JAKMIP1: variants seen among roughly 807,000 people sequenced by gnomAD.
The protein encoded by JAKMIP1 is janus kinase and microtubule interacting protein 1.
JAKMIP1 carries 33 observed loss-of-function variants against 113.0 expected under a neutral mutation model. The ratio of observed to expected loss-of-function variants is 0.29; its 90% CI spans 0.22 to 0.39. The LOEUF is 0.39. Ranked by LOEUF, JAKMIP1 falls within the 10% of genes least tolerant of loss-of-function variation. The probability of loss-of-function intolerance (pLI) is 1.00; values close to 1 mark genes in which losing one functional copy is unlikely to be tolerated. For missense variants in JAKMIP1, 813 were observed against 1,080.5 expected (o/e 0.75, Z 3.47); for synonymous variants, 480 against 459.9 (o/e 1.04, Z -0.56).
Position 6,086,366 on chromosome 4 carries a change from C to G in JAKMIP1, c.625-737G>C, listed in dbSNP as rs532759385. Among the ~76,000 whole-genome samples the G allele has an allele frequency of 6.6e-6, 1 of 151,924 alleles. No homozygotes were observed. The highest frequency in any genetic ancestry group is 2.4e-5 in the African/African-American group (1 of 41,356). On this transcript the variant is annotated intron_variant, in intron 3 of 20. Coordinates refer to ENST00000409021, the MANE Select transcript of JAKMIP1 (RefSeq NM_001099433.2). This position sits in a 1 kb window ranked among gnomAD's most constrained non-coding sequence, Gnocchi z 4.1. ...AGCAGATCTTAAACACATGCCTCAG[C>G]CCTGGCTTCTCTCTGAGCTCCACAA...
chr4:6,149,990 G>A (rs55698513), intron 1 of JAKMIP1, among the ~76,000 whole-genome samples: 35,052 of 151,946 alleles, frequency 0.23, 4,680 homozygotes, highest in Non-Finnish European at 0.3. Context: ...AACGTCACCC[G>A]CCAATTCCAA....
In JAKMIP1 at chr4:6,162,265, C is replaced by T. The variant is rs1723063775; in HGVS notation, c.-148+37988G>A. Among the ~76,000 whole-genome samples the T allele has an allele frequency of 1.3e-5, 2 of 152,172 alleles. No individual in the cohort carries two copies. The highest frequency in any genetic ancestry group is 4.1e-4 in the South Asian group (2 of 4,830). ...GACCTCTCAGCTGCTGGAAGGCCTA[C>T]CTAGGTGGTGACAGGGCCAGCAGAG... On this transcript the variant is annotated intron_variant, in intron 1 of 20. Coordinates refer to ENST00000409021, the MANE Select transcript of JAKMIP1 (RefSeq NM_001099433.2). The surrounding 1 kb of genome is among the most constrained non-coding windows in gnomAD (Gnocchi z 5.6).
intron 1 of JAKMIP1, among the ~76,000 whole-genome samples, chr4:6,134,868 T>A (rs1163065023): frequency 6.6e-6 from 1 of 151,942 alleles, no homozygotes; most frequent in Non-Finnish European, 1.5e-5. Flanking sequence ...CATGGGAGGG[T>A]GGCGCATGCA....
intron 1 of JAKMIP1, among the ~76,000 whole-genome samples, chr4:6,128,635 G>A (rs1718079834): frequency 6.6e-6 from 1 of 152,164 alleles, no homozygotes; most frequent in African/African-American, 2.4e-5. Context: ...GGAGCCACGT[G>A]CCTCCTCCGT....
At chr4:6,190,947 A>G (rs116596894) in intron 1 of JAKMIP1, among the ~76,000 whole-genome samples, 1,794 of 152,310 alleles carry the variant, frequency 0.012, 24 homozygotes, top group African/African-American at 0.041. Flanking sequence ...GGCCTGCACC[A>G]CATCCTGAGA....
chr4:6,179,514 C>T lies in JAKMIP1; in HGVS notation c.-148+20739G>A, dbSNP rs1449260307. On this transcript the variant is annotated intron_variant, in intron 1 of 20. Transcript: ENST00000409021. The surrounding 1 kb of genome is among the most constrained non-coding windows in gnomAD (Gnocchi z 4.5). ...CAGGCACCGTCAAGGGACAACCCTACAAAGCCACAAACCCACAGGAAACCA... is the reference window on the plus strand; with the variant it reads ...CAGGCACCGTCAAGGGACAACCCTATAAAGCCACAAACCCACAGGAAACCA... 6.6e-6 allele frequency among the ~76,000 whole-genome samples: 1 copy of T among 152,220 alleles called. No individual in the cohort carries two copies. Among genetic ancestry groups the T allele is most frequent in the African/African-American group, 2.4e-5 (1 of 41,448 alleles).
chr4:6,174,422 T>G (rs1262031623), intron 1 of JAKMIP1, among the ~76,000 whole-genome samples: 1 of 152,226 alleles, frequency 6.6e-6, no homozygotes, highest in East Asian at 1.9e-4. Flanking sequence ...GAAAGGACCG[T>G]GAATCCTTGG....
rs1415046631 is a variant in JAKMIP1, at chr4:6,140,811, TAAAG to T, written c.-147-27818_-147-27815del. Among the ~76,000 whole-genome samples, 1 of 152,134 alleles carries T rather than the reference TAAAG, an allele frequency of 6.6e-6. No homozygotes were observed. Among genetic ancestry groups the T allele is most frequent in the Non-Finnish European group, 1.5e-5 (1 of 68,034 alleles). On this transcript the variant is annotated intron_variant, in intron 1 of 20. Coordinates refer to ENST00000409021, the MANE Select transcript of JAKMIP1 (RefSeq NM_001099433.2). The surrounding 1 kb of genome is among the most constrained non-coding windows in gnomAD (Gnocchi z 9.4). ...GATGCAATTAAGTAGGCAATTGTAA[TAAAG>T]AAAATTACTGACCTCAGGTCAGCCA...
rs1727678635 is a variant in JAKMIP1, at chr4:6,194,865, T to G, written c.-148+5388A>C. Among the ~76,000 whole-genome samples the G allele has an allele frequency of 6.6e-6, 1 of 152,024 alleles. No homozygotes were observed. Among genetic ancestry groups the G allele is most frequent in the Non-Finnish European group, 1.5e-5 (1 of 68,000 alleles). ...GAGTTTTAGGATGTGCAGTGGGTCC[T>G]GAGGATGCTTGCAAGCCCTGGAAAG... On this transcript the variant is annotated intron_variant, in intron 1 of 20. Coordinates refer to ENST00000409021, the MANE Select transcript of JAKMIP1 (RefSeq NM_001099433.2). This position sits in a 1 kb window ranked among gnomAD's most constrained non-coding sequence, Gnocchi z 7.4.
In JAKMIP1 at chr4:6,141,610, G is replaced by A. The variant is rs1310860245; in HGVS notation, c.-147-28613C>T. Among the ~76,000 whole-genome samples, 3 of 152,198 alleles carry A rather than the reference G, an allele frequency of 2.0e-5. No individual in the cohort carries two copies. Among genetic ancestry groups the A allele is most frequent in the African/African-American group, 7.2e-5 (3 of 41,454 alleles). On this transcript the variant is annotated intron_variant, in intron 1 of 20. Coordinates refer to ENST00000409021, the MANE Select transcript of JAKMIP1 (RefSeq NM_001099433.2). This position sits in a 1 kb window ranked among gnomAD's most constrained non-coding sequence, Gnocchi z 9.4. ...ACCTATGCCCCAGGGCCTGGCCTGT[G>A]AATGCCCTTTCTCCTCCACTCCCAA...
chr4:6,067,647 A>ACG lies in JAKMIP1; in HGVS notation c.1303-2640_1303-2639insCG, dbSNP rs1718317999. On this transcript the variant is annotated intron_variant, in intron 8 of 20. Coordinates refer to ENST00000409021, the MANE Select transcript of JAKMIP1 (RefSeq NM_001099433.2). This position sits in a 1 kb window ranked among gnomAD's most constrained non-coding sequence, Gnocchi z 4.6. Reference sequence around the variant, plus strand: ...CAGGTTCACTCAAGCTCTTCTGCACACACACACACAGGTCACCCCCTGAGC... The same window carrying ACG: ...CAGGTTCACTCAAGCTCTTCTGCACACGCACACACACAGGTCACCCCCTGAGC... Among the ~76,000 whole-genome samples, 2 of 116,896 alleles carry ACG rather than the reference A, an allele frequency of 1.7e-5. No individual in the cohort carries two copies. Among genetic ancestry groups the ACG allele is most frequent in the Non-Finnish European group, 1.9e-5 (1 of 51,676 alleles). The allele number at this position is 116,896 out of a possible 152,430, so 76.7% of individuals were successfully genotyped here. A position where few individuals can be genotyped will look rare whatever the true frequency, so the allele number is the denominator to read the frequency against.
At position 6,051,837 on chromosome 4, in the gene JAKMIP1, T is replaced by C. The variant is rs961664712; in HGVS notation, c.1807-1158A>G. 6.6e-6 allele frequency among the ~76,000 whole-genome samples: 1 copy of C among 152,234 alleles called. No individual in the cohort carries two copies. Among genetic ancestry groups the C allele is most frequent in the Non-Finnish European group, 1.5e-5 (1 of 68,040 alleles). ...TGTGTTTCCTGCACAGAATGGACTT[T>C]AAACACTTTAGCGATGGACAGATTT... On this transcript the variant is annotated intron_variant, in intron 13 of 20. Transcript: ENST00000409021. The surrounding 1 kb of genome is among the most constrained non-coding windows in gnomAD (Gnocchi z 5.0).
intron 1 of JAKMIP1, among the ~76,000 whole-genome samples, chr4:6,133,527 C>T (rs1403049674): frequency 6.6e-6 from 1 of 152,176 alleles, no homozygotes; most frequent in Non-Finnish European, 1.5e-5. Flanking sequence ...CATTCATCTC[C>T]CCTCTGCAAC....
intron 1 of JAKMIP1, among the ~76,000 whole-genome samples, chr4:6,113,672 G>A (rs1228038705): frequency 1.3e-5 from 2 of 152,214 alleles, no homozygotes; most frequent in Admixed American, 6.5e-5. Flanking sequence ...GGAAGCGGGT[G>A]AGCCAGGACT....
intron 13 of JAKMIP1, chr4:6,053,703 C>G: frequency 2.1e-6 from 2 of 946,632 alleles, no homozygotes; most frequent in South Asian, 8.7e-5. Flanking sequence ...GGTGACTACG[C>G]ATGCAGGAAA....
At chr4:6,090,657 T>C (rs924692352) in intron 3 of JAKMIP1, among the ~76,000 whole-genome samples, 1 of 152,078 alleles carries the variant, frequency 6.6e-6, no homozygotes, top group Non-Finnish European at 1.5e-5. Context: ...ATGTTGACCG[T>C]AACCACCTTA....
intron 3 of JAKMIP1, among the ~76,000 whole-genome samples, chr4:6,104,122 A>T (rs556871152): frequency 6.6e-6 from 1 of 152,334 alleles, no homozygotes; most frequent in East Asian, 1.9e-4. Flanking sequence ...TACAACCCAC[A>T]AATTTTGAAA....
chr4:6,198,121 G>A (rs1728041819), intron 1 of JAKMIP1, among the ~76,000 whole-genome samples: 1 of 152,230 alleles, frequency 6.6e-6, no homozygotes, highest in South Asian at 2.1e-4. Context: ...TCTCTAGTGG[G>A]CAAGATCTGC....
At position 6,106,037 on chromosome 4, in the gene JAKMIP1, C is replaced by CG; in HGVS notation, c.130-71_130-70insC. ...GTCAGGGTCAGGGTCAGGGTCACAG[C>CG]TGGGGGAGCTGGCCACAGCCTCCCC... On this transcript the variant is annotated intron_variant, in intron 2 of 20. Transcript: ENST00000409021. The surrounding 1 kb of genome is among the most constrained non-coding windows in gnomAD (Gnocchi z 5.9). 1 of 1,066,120 alleles carries CG rather than the reference C, an allele frequency of 9.4e-7. No homozygotes were observed. The highest frequency in any genetic ancestry group is 1.3e-6 in the Non-Finnish European group (1 of 747,598). 66.0% of individuals were successfully genotyped at this position (1,066,120 alleles called of 1,614,324 possible). A position where few individuals can be genotyped will look rare whatever the true frequency, so the allele number is the denominator to read the frequency against.
Sources: gnomAD v4.1 joint callset for allele counts (sites outside exome capture counted in the v4.1 genomes callset) on GRCh38, gnomAD v4.1.1 for gene constraint, Gnocchi (gnomAD v3.1) non-coding constraint, MANE v1.5 for transcripts, NCBI Gene and HGNC (gene_info 2026-07-23, HGNC 2026-07-21) for gene names.